USP24: variants seen among roughly 807,000 people sequenced by gnomAD.
USP24 encodes the protein ubiquitin specific peptidase 24.
A neutral mutation model predicts 361.6 loss-of-function variants in USP24; 97 were observed. The ratio of observed to expected loss-of-function variants is 0.27; its 90% CI spans 0.23 to 0.32. The LOEUF is 0.32. Among genes scored for constraint, USP24 ranks in the 10% least tolerant of loss-of-function variants. The pLI, the probability that USP24 is intolerant of heterozygous loss-of-function variation, is 1.00. For missense variants in USP24, 2,353 were observed against 3,165.6 expected, an observed-to-expected ratio of 0.74 and a Z score of 6.16; for synonymous variants, 1,098 against 1,124.6, an observed-to-expected ratio of 0.98 and a Z score of 0.47.
intron 39 of USP24, 40 bp from the exon 40 acceptor site, chr1:55,107,470 A>G: frequency 6.6e-7 from 1 of 1,504,876 alleles, no homozygotes. Context: ...AGAAAGAAGG[A>G]TTTCCCTTTA....
chr1:55,100,901 A>T lies in USP24; in HGVS notation c.5209T>A (p.Ser1737Thr). 6.2e-7 allele frequency: 1 copy of T among 1,613,696 alleles called. No homozygotes were observed. Among genetic ancestry groups the T allele is most frequent in the Non-Finnish European group, 8.5e-7 (1 of 1,179,766 alleles). Residue 1737 changes from serine to threonine, a missense_variant, in exon 44 of 68, where the codon TCT becomes ACT. Physicochemically the swap from Ser to Thr is moderately conservative, Grantham distance 58. This residue lies in a region of USP24 where 949 missense variants were observed against 1,280.5 expected (regional missense o/e 0.74). Coordinates refer to ENST00000294383, the MANE Select transcript of USP24 (RefSeq NM_015306.3). ...PDDSVFYQVQSLFGHLMESKL... is the reference protein window; with the variant it reads ...PDDSVFYQVQTLFGHLMESKL... ...CTTTCCATTAAATGTCCAAAGAGAG[A>T]CTGCACTTGGTAAAACACGCTATCA...
chr1:55,072,172 C>G, intron 66 of USP24, 145 bp downstream of exon 66: 3 of 739,182 alleles, frequency 4.1e-6, no homozygotes, highest in Non-Finnish European at 4.4e-6. Context: ...AATCTGTTTT[C>G]TTTTCATAGA....
rs1054130060 is a variant in USP24, at chr1:55,157,972, C to T, written c.1228-602G>A. Among the ~76,000 whole-genome samples the T allele has an allele frequency of 4.6e-5, 7 of 152,228 alleles. No homozygotes were observed. The South Asian group carries it at 6.2e-4, about 14-fold the overall frequency. On this transcript the variant is annotated intron_variant, in intron 10 of 67. Transcript: ENST00000294383. ...CCAAATTTTATATGTGGAAAGTATA[C>T]AGAAGTGTCAGGAAGACACTTCATA... is the stretch of plus-strand genomic sequence containing the variant.
chr1:55,125,839 A>G (rs2100617696), intron 32 of USP24, 81 bp from the exon 33 acceptor site: 1 of 1,138,622 alleles, frequency 8.8e-7, no homozygotes, highest in Non-Finnish European at 1.3e-6. Flanking sequence ...TAATGTAATC[A>G]GTCATCATCA....
chr1:55,132,394 G>A (rs1183411114), intron 31 of USP24, 151 bp downstream of exon 31: 22 of 1,017,566 alleles, frequency 2.2e-5, no homozygotes, highest in Middle Eastern at 2.5e-4. Flanking sequence ...AGGCAAAAAC[G>A]TTTCAATTTA....
At chr1:55,196,076 A>G (rs1380618641) in intron 1 of USP24, among the ~76,000 whole-genome samples, 1 of 152,124 alleles carries the variant, frequency 6.6e-6, no homozygotes, top group African/African-American at 2.4e-5. Flanking sequence ...CCTCATATAC[A>G]CATTTAATTC....
At chr1:55,179,187 C>T (rs1262386200) in intron 1 of USP24, among the ~76,000 whole-genome samples, 1 of 152,114 alleles carries the variant, frequency 6.6e-6, no homozygotes, top group African/African-American at 2.4e-5. Flanking sequence ...ACCTTCTGCC[C>T]ACTCCCTCCT....
intron 28 of USP24, among the ~76,000 whole-genome samples, chr1:55,137,089 G>GC (rs1446663833): frequency 6.6e-6 from 1 of 152,118 alleles, no homozygotes; most frequent in East Asian, 1.9e-4. Flanking sequence ...AACCAAACAG[G>GC]CGGAGAGACA....
intron 8 of USP24, among the ~76,000 whole-genome samples, chr1:55,159,950 C>G (rs1648100942): frequency 6.6e-6 from 1 of 152,170 alleles, no homozygotes; most frequent in African/African-American, 2.4e-5. Flanking sequence ...AAGAGTGACT[C>G]AAGACACACA....
intron 23 of USP24, among the ~76,000 whole-genome samples, chr1:55,141,945 A>G (rs1301085910): frequency 6.6e-6 from 1 of 152,172 alleles, no homozygotes; most frequent in African/African-American, 2.4e-5. Context: ...AATGACCCCC[A>G]GAGGCAAAAT....
chr1:55,204,510 G>T (rs1300319506), intron 1 of USP24, among the ~76,000 whole-genome samples: 1 of 151,790 alleles, frequency 6.6e-6, no homozygotes, highest in Non-Finnish European at 1.5e-5. Context: ...CTTGGCAATG[G>T]ATGCCACTAT....
chr1:55,106,984 A>G (rs1557568127), intron 40 of USP24, among the ~76,000 whole-genome samples: 1 of 152,202 alleles, frequency 6.6e-6, no homozygotes, highest in Non-Finnish European at 1.5e-5. Flanking sequence ...TTGAATTATA[A>G]TTCTTACTTG....
chr1:55,179,707 C>A (rs1056567607), intron 1 of USP24, among the ~76,000 whole-genome samples: 1 of 152,036 alleles, frequency 6.6e-6, no homozygotes, highest in Admixed American at 6.5e-5. Flanking sequence ...TCATACATTT[C>A]TCTCCAATTC....
chr1:55,133,380 T>C (rs1165236), intron 30 of USP24, among the ~76,000 whole-genome samples: 131,772 of 152,160 alleles, frequency 0.87, 57,154 homozygotes, highest in East Asian at 1. Context: ...ACATACGCAA[T>C]GATCAGATTC....
chr1:55,127,103 T>C (rs190140900), intron 32 of USP24, among the ~76,000 whole-genome samples: 157 of 152,128 alleles, frequency 1.0e-3, no homozygotes, highest in East Asian at 3.9e-3. Context: ...TTTTAGGGTA[T>C]ATGTGCACAA....
intron 41 of USP24, among the ~76,000 whole-genome samples, chr1:55,105,753 C>G (rs1358328026): frequency 6.6e-6 from 1 of 152,186 alleles, no homozygotes; most frequent in Admixed American, 6.5e-5. Context: ...ACAGCCAGCA[C>G]TCAGCAAACG....
chr1:55,151,973 T>A (rs1239254432), intron 16 of USP24: 2 of 985,684 alleles, frequency 2.0e-6, no homozygotes, highest in Non-Finnish European at 2.4e-6. Flanking sequence ...CCCACCTTGC[T>A]GCCTGGCAGG....
chr1:55,188,318 T>C (rs1051446070), intron 1 of USP24, among the ~76,000 whole-genome samples: 1 of 152,010 alleles, frequency 6.6e-6, no homozygotes, highest in African/African-American at 2.4e-5. Context: ...TAATTATTTC[T>C]TGGAAAAGCA....
intron 58 of USP24, among the ~76,000 whole-genome samples, chr1:55,082,556 G>A (rs930622518): frequency 3.3e-5 from 5 of 152,208 alleles, no homozygotes; most frequent in African/African-American, 1.2e-4. Context: ...GTAAGCCGAG[G>A]TGGGCAGATC....
Sources: gnomAD v4.1 joint callset for allele counts (sites outside exome capture counted in the v4.1 genomes callset) on GRCh38, gnomAD v4.1.1 for gene constraint, gnomAD v4.1.1 regional missense constraint, MANE v1.5 for transcripts, NCBI Gene and HGNC (gene_info 2026-07-23, HGNC 2026-07-21) for gene names.